Variants in ERC2 observed in about 807,000 individuals in gnomAD.
ERC2 encodes the protein ERC protein 2.
Under a neutral mutation model 114.8 loss-of-function variants are expected in ERC2, and 42 were observed. That is an observed-to-expected ratio of 0.37 (90% confidence interval 0.29 to 0.47). The LOEUF (loss-of-function observed/expected upper bound fraction) is 0.47, where lower values mean the gene tolerates loss of function less well. ERC2 is among the 20% of genes least tolerant of loss of function. The pLI, the probability that ERC2 is intolerant of heterozygous loss-of-function variation, is 0.99. For missense variants in ERC2, 939 were observed against 1,150.7 expected (o/e 0.82, Z 2.66); for synonymous variants, 454 against 425.5 (o/e 1.07, Z -0.82).
intron 7 of ERC2, among the ~76,000 whole-genome samples, chr3:56,024,862 G>C (rs2073946733): frequency 6.6e-6 from 1 of 152,164 alleles, no homozygotes; most frequent in South Asian, 2.1e-4. Flanking sequence ...CTCCAAATAT[G>C]GTCCCGGCAA....
At chr3:56,204,573 G>C (rs536337708) in intron 3 of ERC2, among the ~76,000 whole-genome samples, 2 of 150,390 alleles carry the variant, frequency 1.3e-5, no homozygotes, top group South Asian at 4.2e-4. Flanking sequence ...ACGTGATCTT[G>C]GCTCACTGCA....
At chr3:56,330,667 C>A (rs540341126) in intron 2 of ERC2, among the ~76,000 whole-genome samples, 1 of 152,256 alleles carries the variant, frequency 6.6e-6, no homozygotes, top group South Asian at 2.1e-4. Flanking sequence ...TTTTTGAGTG[C>A]TGACATGACT....
intron 17 of ERC2, among the ~76,000 whole-genome samples, chr3:55,558,336 C>A (rs940689398): frequency 2.6e-5 from 4 of 152,166 alleles, no homozygotes; most frequent in Non-Finnish European, 2.9e-5. Context: ...AATAAAAGAA[C>A]CCAGAGTGGG....
intron 13 of ERC2, among the ~76,000 whole-genome samples, chr3:55,905,110 T>C (rs2064353132): frequency 6.6e-6 from 1 of 152,220 alleles, no homozygotes; most frequent in African/African-American, 2.4e-5. Context: ...AGACAGAGTC[T>C]CACTCTGTTG....
intron 7 of ERC2, among the ~76,000 whole-genome samples, chr3:56,040,257 G>C (rs968712053): frequency 1.3e-5 from 2 of 152,014 alleles, no homozygotes; most frequent in African/African-American, 2.4e-5. Flanking sequence ...AGGACCACAA[G>C]GAGAAAGATA....
chr3:56,124,648 G>A (rs567555236), intron 6 of ERC2, among the ~76,000 whole-genome samples: 27 of 152,246 alleles, frequency 1.8e-4, no homozygotes, highest in Non-Finnish European at 2.6e-4. Context: ...GAAACTGAGA[G>A]TCAATTTAGA....
At chr3:55,604,381 G>C (rs972019974) in intron 17 of ERC2, among the ~76,000 whole-genome samples, 4 of 152,172 alleles carry the variant, frequency 2.6e-5, no homozygotes, top group African/African-American at 9.7e-5. Context: ...ATATTAACCA[G>C]TGGAGAGAGT....
intron 12 of ERC2, among the ~76,000 whole-genome samples, chr3:55,970,541 C>T (rs1306163334): frequency 6.6e-6 from 1 of 152,006 alleles, no homozygotes; most frequent in Non-Finnish European, 1.5e-5. Context: ...TTTGAATAGA[C>T]ATTTCTCCAA....
At chr3:56,271,655 T>C (rs963102725) in intron 3 of ERC2, among the ~76,000 whole-genome samples, 1 of 152,202 alleles carries the variant, frequency 6.6e-6, no homozygotes, top group Non-Finnish European at 1.5e-5. Context: ...AAGGTTATTA[T>C]ATAAGGAAAT....
intron 15 of ERC2, among the ~76,000 whole-genome samples, chr3:55,717,811 G>C (rs983585458): frequency 6.6e-6 from 1 of 152,132 alleles, no homozygotes; most frequent in African/African-American, 2.4e-5. Context: ...CTTGACTTCA[G>C]ATGGCTCAAG....
chr3:55,597,252 CTACAAAAAA>C (rs1475026187), intron 17 of ERC2, among the ~76,000 whole-genome samples: 1 of 151,990 alleles, frequency 6.6e-6, no homozygotes, highest in Non-Finnish European at 1.5e-5. Flanking sequence ...AACCCCATCT[CTACAAAAAA>C]TACAAAAAAT....
At chr3:56,405,947 C>T (rs949397334) in intron 2 of ERC2, among the ~76,000 whole-genome samples, 1 of 123,510 alleles carries the variant, frequency 8.1e-6, no homozygotes, top group Admixed American at 1.1e-4. Flanking sequence ...GGCTGGAGTA[C>T]AGTGGCACAA....
intron 6 of ERC2, among the ~76,000 whole-genome samples, chr3:56,117,164 G>T (rs1228108422): frequency 6.6e-6 from 1 of 152,126 alleles, no homozygotes; most frequent in East Asian, 1.9e-4. Flanking sequence ...TGCCTAGGAG[G>T]GTAAGACTGT....
chr3:56,165,477 CT>C (rs764517020), intron 4 of ERC2, among the ~76,000 whole-genome samples: 28 of 147,246 alleles, frequency 1.9e-4, no homozygotes, highest in Non-Finnish European at 3.6e-4. Context: ...CCCCTCCCCC[CT>C]GCATATGGCA....
chr3:55,830,528 G>A (rs943661385), intron 14 of ERC2, among the ~76,000 whole-genome samples: 2 of 152,150 alleles, frequency 1.3e-5, no homozygotes, highest in Non-Finnish European at 2.9e-5. Flanking sequence ...TTGACAAATA[G>A]GAAAGTGAGG....
chr3:55,723,694 G>GA (rs1284096870), intron 15 of ERC2, among the ~76,000 whole-genome samples: 4 of 151,986 alleles, frequency 2.6e-5, no homozygotes, highest in Admixed American at 6.6e-5. Flanking sequence ...TAATTTTCAG[G>GA]AAAAAAATCC....
chr3:55,547,300 G>C (rs1461545862), intron 17 of ERC2, among the ~76,000 whole-genome samples: 1 of 152,238 alleles, frequency 6.6e-6, no homozygotes, highest in Non-Finnish European at 1.5e-5. Flanking sequence ...GGTCTGGATA[G>C]TTCAGCCTCT....
intron 17 of ERC2, among the ~76,000 whole-genome samples, chr3:55,584,567 A>T (rs2057496436): frequency 6.6e-6 from 1 of 152,022 alleles, no homozygotes; most frequent in Non-Finnish European, 1.5e-5. Context: ...TTTAGTGTGG[A>T]GATGGTGAGG....
chr3:56,191,155 C>A (rs2083972418), intron 3 of ERC2, among the ~76,000 whole-genome samples: 1 of 152,054 alleles, frequency 6.6e-6, no homozygotes, highest in Non-Finnish European at 1.5e-5. Context: ...AAGGGGAGGC[C>A]CTGGAAGAGA....
Sources: gnomAD v4.1 joint callset for allele counts (sites outside exome capture counted in the v4.1 genomes callset) on GRCh38, gnomAD v4.1.1 for gene constraint, MANE v1.5 for transcripts, NCBI Gene and HGNC (gene_info 2026-07-23, HGNC 2026-07-21) for gene names.